Variants in SP7 observed in about 807,000 individuals in gnomAD.
SP7 encodes the protein transcription factor Sp7.
SP7 carries 13 observed loss-of-function variants against 27.9 expected under a neutral mutation model. The observed-to-expected ratio is 0.47, with a 90% CI of 0.30 to 0.74. The LOEUF (loss-of-function observed/expected upper bound fraction) is 0.74, where lower values mean the gene tolerates loss of function less well. Ranked by LOEUF, SP7 falls within the 30% of genes least tolerant of loss-of-function variation. The pLI, the probability that SP7 is intolerant of heterozygous loss-of-function variation, is 0.06. For missense variants in SP7, 525 were observed against 558.0 expected (o/e 0.94, Z 0.60); for synonymous variants, 219 against 226.7 (o/e 0.97, Z 0.31).
At chr12:53,337,013 T>G (rs1445019256), upstream of SP7, among the ~76,000 whole-genome samples, 1 of 152,098 alleles carries the variant, frequency 6.6e-6, no homozygotes, top group Non-Finnish European at 1.5e-5. Context: ...AGAGAAAATT[T>G]AAGACAAGCA....
rs555947358 is a variant in SP7, at chr12:53,329,290, C to G, written c.152G>C (p.Gly51Ala). 1 of 1,613,876 alleles carries G rather than the reference C, an allele frequency of 6.2e-7. No homozygotes were observed. Among genetic ancestry groups the G allele is most frequent in the East Asian group, 2.2e-5 (1 of 44,872 alleles). Residue 51 changes from glycine (G) to alanine (A), a missense_variant, in exon 3 of 3, where the codon GGC becomes GCC. Physicochemically the swap from Gly to Ala is moderately conservative, Grantham distance 60 (BLOSUM62 0). Transcript: ENST00000536324. ...GGTTTTGGAGGCTGAAAGGTCACTG[C>G]CCACAGAGTACGGCTTCTTTGTGCC... is the stretch of plus-strand genomic sequence containing the variant. The part of the protein sequence containing the change: ...KAGTKKPYSV[G>A]SDLSASKTMG...
intron 2 of SP7, among the ~76,000 whole-genome samples, chr12:53,330,058 T>A (rs1008935120): frequency 4.6e-5 from 7 of 151,714 alleles, no homozygotes; most frequent in South Asian, 4.2e-4. Context: ...AAAAAAAAAA[T>A]TATTTTTTGA....
chr12:53,341,219 C>T (rs1331471423), upstream of SP7, among the ~76,000 whole-genome samples: 1 of 152,196 alleles, frequency 6.6e-6, no homozygotes, highest in Non-Finnish European at 1.5e-5. Flanking sequence ...GGCTGCAAGG[C>T]AGGACCTCTG....
rs1206410106 is a variant in SP7, at chr12:53,331,485, A to AAG, written c.22-2066_22-2065insCT. Among the ~76,000 whole-genome samples the AAG allele has an allele frequency of 3.2e-4, 48 of 151,144 alleles. No homozygotes were observed. In the South Asian group the frequency reaches 7.1e-3, roughly 22 times the overall value. On this transcript the variant is annotated intron_variant, in intron 2 of 2. Coordinates refer to ENST00000536324, the MANE Select transcript of SP7 (RefSeq NM_001173467.3). ...GACTCCATCTCAAAAAAAAAAAAAA[A>AAG]AAAGAAAGGCAAAGGTATCTTCTTA...
chr12:53,339,061 G>C (rs1267317868), upstream of SP7, among the ~76,000 whole-genome samples: 1 of 152,164 alleles, frequency 6.6e-6, no homozygotes, highest in Non-Finnish European at 1.5e-5. Flanking sequence ...GCAGACCAGG[G>C]AGAGGCGCCA....
Position 53,328,383 on chromosome 12 carries a change from C to T in SP7, c.1059G>A (p.Lys353=), listed in dbSNP as rs1263552735. The change falls in exon 3 of 3, where the codon AAG becomes AAA. Residue 353 remains lysine, a synonymous_variant. Coordinates refer to ENST00000536324, the MANE Select transcript of SP7 (RefSeq NM_001173467.3). The surrounding 1 kb of genome is among the most constrained non-coding windows in gnomAD (Gnocchi z 5.1). Reference sequence around the variant, plus strand: ...GCTTGGAGCAGAGCAGGCAGGTGAACTTCTTCTCCCGGGTGTGAGTGCGCA... The same window carrying T: ...GCTTGGAGCAGAGCAGGCAGGTGAATTTCTTCTCCCGGGTGTGAGTGCGCA... ...RHVRTHTREK[K]FTCLLCSKRF... is the part of the protein sequence containing the mutation. 1.2e-6 allele frequency: 2 copies of T among 1,613,662 alleles called. No individual in the cohort carries two copies. Among genetic ancestry groups the T allele is most frequent in the Non-Finnish European group, 1.7e-6 (2 of 1,179,718 alleles).
At chr12:53,332,668 T>C (rs1944719227) in intron 2 of SP7, among the ~76,000 whole-genome samples, 1 of 150,938 alleles carries the variant, frequency 6.6e-6, no homozygotes, top group Non-Finnish European at 1.5e-5. Flanking sequence ...GAAGGAGAGA[T>C]GATGGAAAAG....
chr12:53,339,084 G>C (rs1055493336), upstream of SP7, among the ~76,000 whole-genome samples: 24 of 152,264 alleles, frequency 1.6e-4, no homozygotes, highest in African/African-American at 5.8e-4. Context: ...TGGCAGGGGC[G>C]GGTAGAGGCT....
At chr12:53,340,649 G>A (rs1445263984), upstream of SP7, among the ~76,000 whole-genome samples, 3 of 152,108 alleles carry the variant, frequency 2.0e-5, no homozygotes, top group East Asian at 1.9e-4. Flanking sequence ...GGAAAGTTGC[G>A]CTCATGTCCC....
chr12:53,330,487 T>G (rs1047597894), intron 2 of SP7, among the ~76,000 whole-genome samples: 2 of 151,812 alleles, frequency 1.3e-5, no homozygotes, highest in Non-Finnish European at 2.9e-5. Flanking sequence ...GCCTCCAGAG[T>G]AGTTAGGACT....
rs1272472348 is a variant in SP7, at chr12:53,328,062, A to G, written c.*84T>C. The G allele has an allele frequency of 1.5e-6, 2 of 1,359,816 alleles. No homozygotes were observed. Among genetic ancestry groups the G allele is most frequent in the East Asian group, 2.5e-5 (1 of 39,814 alleles). The allele number at this position is 1,359,816 out of a possible 1,614,324, so 84.2% of individuals were successfully genotyped here. ...CCCCGAAGGATGGCATGCATGGGGTAAAGAGAGTGATTGGCAAGCAGTGGT... is the reference window on the plus strand; with the variant it reads ...CCCCGAAGGATGGCATGCATGGGGTGAAGAGAGTGATTGGCAAGCAGTGGT... On this transcript the variant is annotated 3_prime_UTR_variant, in exon 3 of 3. Transcript: ENST00000536324. The surrounding 1 kb of genome is among the most constrained non-coding windows in gnomAD (Gnocchi z 5.1).
intron 2 of SP7, among the ~76,000 whole-genome samples, chr12:53,333,484 C>T (rs1456325795): frequency 6.6e-6 from 1 of 152,098 alleles, no homozygotes; most frequent in East Asian, 1.9e-4. Context: ...GCTCATGGTG[C>T]AGTGCCCAGC....
chr12:53,340,721 A>G (rs973310672), upstream of SP7, among the ~76,000 whole-genome samples: 1 of 152,138 alleles, frequency 6.6e-6, no homozygotes, highest in African/African-American at 2.4e-5. Context: ...TCCAGTGGAT[A>G]CTCCAGCGAC....
rs1944670750 is a variant in SP7 at position 53,329,048 on chromosome 12, T to C, written c.394A>G (p.Thr132Ala). The C allele has an allele frequency of 1.2e-6, 2 of 1,613,764 alleles. No homozygotes were observed. Among genetic ancestry groups the C allele is most frequent in the Non-Finnish European group, 1.7e-6 (2 of 1,179,836 alleles). The change falls in exon 3 of 3, where the codon ACA becomes GCA. Residue 132 changes from threonine to alanine, a missense_variant. Thr to Ala is a moderately conservative substitution (Grantham distance 58). Coordinates refer to ENST00000536324, the MANE Select transcript of SP7 (RefSeq NM_001173467.3). ...LPSVYTSLDM[T>A]HPYGSWYKAG... is the part of the protein sequence containing the mutation. ...TTGTACCAGGAGCCATAGGGGTGTG[T>C]CATGTCCAGAGAGGTGTAGACACTG...
At chr12:53,333,924 C>T (rs1944736345) in intron 2 of SP7, among the ~76,000 whole-genome samples, 1 of 152,194 alleles carries the variant, frequency 6.6e-6, no homozygotes, top group African/African-American at 2.4e-5. Flanking sequence ...ACAACACTCT[C>T]CTTTCGCCAT....
intron 2 of SP7, among the ~76,000 whole-genome samples, chr12:53,334,374 A>ACACACACT (rs1353823853): frequency 1.4e-5 from 2 of 139,884 alleles, no homozygotes; most frequent in African/African-American, 5.5e-5. Flanking sequence ...ACACACACAC[A>ACACACACT]CTCTCAGGGC....
In SP7 at chr12:53,329,988, C is replaced by A. The variant is rs112790290; in HGVS notation, c.22-568G>T. The stretch of plus-strand genomic sequence containing the variant: ...ACCTCAGGTGATCCGCCCACCTCGG[C>A]CTCCCAAAGTGCTGGAATTACAGGC... On this transcript the variant is annotated intron_variant, in intron 2 of 2. Transcript: ENST00000536324. Among the ~76,000 whole-genome samples, 329 of 152,160 alleles carry A rather than the reference C, an allele frequency of 2.2e-3. 2 individuals carry two copies. The highest frequency in any genetic ancestry group is 7.6e-3 in the African/African-American group (316 of 41,496).
chr12:53,329,459 G>T, intron 2 of SP7, 39 bp from the exon 3 acceptor site: 2 of 1,584,606 alleles, frequency 1.3e-6, no homozygotes, highest in South Asian at 2.2e-5. Context: ...GAGAGGGGAG[G>T]AGAGGTACAA....
chr12:53,337,037 C>T (rs369100952), upstream of SP7, among the ~76,000 whole-genome samples: 2 of 152,044 alleles, frequency 1.3e-5, no homozygotes, highest in African/African-American at 4.8e-5. Context: ...GTGAGGGTGG[C>T]GGTAGAAGGT....
Sources: gnomAD v4.1 joint callset for allele counts (sites outside exome capture counted in the v4.1 genomes callset) on GRCh38, gnomAD v4.1.1 for gene constraint, Gnocchi (gnomAD v3.1) non-coding constraint, MANE v1.5 for transcripts, NCBI Gene and HGNC (gene_info 2026-07-23, HGNC 2026-07-21) for gene names.